RPS6KA2: variants seen among roughly 807,000 people sequenced by gnomAD.
The protein encoded by RPS6KA2 is ribosomal protein S6 kinase alpha-2.
In RPS6KA2, 42 loss-of-function variants were observed where a neutral mutation model predicts 91.8. The ratio of observed to expected loss-of-function variants is 0.46; its 90% CI spans 0.36 to 0.59. The LOEUF is 0.59. Ranked by LOEUF, RPS6KA2 falls within the 20% of genes least tolerant of loss-of-function variation. The probability of loss-of-function intolerance (pLI) is 0.00; values close to 1 mark genes in which losing one functional copy is unlikely to be tolerated. For missense variants in RPS6KA2, 798 were observed against 978.5 expected, an observed-to-expected ratio of 0.82 and a Z score of 2.46; for synonymous variants, 414 against 393.6, an observed-to-expected ratio of 1.05 and a Z score of -0.61.
chr6:166,417,341 G>A (rs988651607), intron 19 of RPS6KA2, among the ~76,000 whole-genome samples: 4 of 152,196 alleles, frequency 2.6e-5, no homozygotes, highest in South Asian at 2.1e-4. Context: ...TGCTGTGAAG[G>A]TGTTTTTCAG....
At chr6:166,776,445 TCACACAACAA>T (rs1191544375) in intron 2 of RPS6KA2, among the ~76,000 whole-genome samples, 3 of 152,310 alleles carry the variant, frequency 2.0e-5, no homozygotes, top group East Asian at 3.9e-4. Flanking sequence ...GAGGTGAATT[TCACACAACAA>T]AATTGATCGT....
At chr6:166,492,661 A>G (rs1194536840) in intron 8 of RPS6KA2, among the ~76,000 whole-genome samples, 2 of 149,562 alleles carry the variant, frequency 1.3e-5, no homozygotes, top group African/African-American at 2.5e-5. Context: ...GATATCATTT[A>G]TTTTTTGCTG....
intron 10 of RPS6KA2, chr6:166,475,582 A>G (rs1780942721): frequency 3.5e-6 from 1 of 288,478 alleles, no homozygotes; most frequent in Admixed American, 4.1e-5. Context: ...ACTCAAATAG[A>G]TCAGTGGCCC....
intron 2 of RPS6KA2, among the ~76,000 whole-genome samples, chr6:166,839,741 G>A (rs1303987542): frequency 6.1e-5 from 7 of 114,158 alleles, no homozygotes; most frequent in Non-Finnish European, 1.3e-4. Context: ...CTCTGGAGGC[G>A]CAGCACAGGG....
intron 1 of RPS6KA2, among the ~76,000 whole-genome samples, chr6:166,624,824 C>A (rs1786786779): frequency 6.6e-6 from 1 of 151,990 alleles, no homozygotes; most frequent in Non-Finnish European, 1.5e-5. Context: ...AAAAAGAGAG[C>A]ATTGTATTAG....
intron 2 of RPS6KA2, among the ~76,000 whole-genome samples, chr6:166,687,381 G>T (rs935719476): frequency 6.6e-6 from 1 of 152,170 alleles, no homozygotes; most frequent in African/African-American, 2.4e-5. Flanking sequence ...AGTGTCCATG[G>T]TGCTGTGTAT....
chr6:166,430,900 C>G (rs1448041271), intron 15 of RPS6KA2, among the ~76,000 whole-genome samples: 4 of 152,156 alleles, frequency 2.6e-5, no homozygotes, highest in Non-Finnish European at 4.4e-5. Context: ...CTTCATGACT[C>G]TGCCAGGAGA....
chr6:166,413,764 C>G, intron 20 of RPS6KA2, 30 bp downstream of exon 20: 1 of 1,610,148 alleles, frequency 6.2e-7, no homozygotes, highest in Admixed American at 1.7e-5. Flanking sequence ...CCATTCCCAC[C>G]ACTCTGTCCT....
chr6:166,496,159 T>G (rs1022103806), intron 8 of RPS6KA2, among the ~76,000 whole-genome samples: 14 of 152,102 alleles, frequency 9.2e-5, no homozygotes, highest in African/African-American at 3.4e-4. Context: ...AAGACCAACC[T>G]GGGCAACACG....
intron 11 of RPS6KA2, among the ~76,000 whole-genome samples, chr6:166,468,589 C>T (rs994069115): frequency 5.9e-5 from 9 of 151,968 alleles, no homozygotes; most frequent in African/African-American, 1.5e-4. Context: ...AGAGGCCGGG[C>T]GCGGTGGCTC....
chr6:166,625,306 C>T (rs903009624), intron 1 of RPS6KA2, among the ~76,000 whole-genome samples: 11 of 147,026 alleles, frequency 7.5e-5, no homozygotes, highest in African/African-American at 2.8e-4. Context: ...GAAGAAACCT[C>T]GTTTCCTATT....
intron 2 of RPS6KA2, among the ~76,000 whole-genome samples, chr6:166,532,940 T>C (rs1583249337): frequency 1.3e-5 from 2 of 152,226 alleles, no homozygotes; most frequent in East Asian, 3.9e-4. Flanking sequence ...ACGCACACTG[T>C]GGTGGGAGAC....
intron 2 of RPS6KA2, among the ~76,000 whole-genome samples, chr6:166,688,271 G>A (rs1405600228): frequency 1.3e-5 from 2 of 152,164 alleles, no homozygotes; most frequent in Non-Finnish European, 2.9e-5. Flanking sequence ...CGTGTGTGGT[G>A]GATCTTTGAG....
intron 2 of RPS6KA2, among the ~76,000 whole-genome samples, chr6:166,851,608 G>A (rs749562499): frequency 1.1e-4 from 16 of 152,164 alleles, no homozygotes; most frequent in Non-Finnish European, 1.5e-4. Context: ...CCAGGCTCCC[G>A]ATTTGGTGCT....
chr6:166,800,582 G>C (rs1236461763), intron 2 of RPS6KA2, among the ~76,000 whole-genome samples: 7 of 152,150 alleles, frequency 4.6e-5, no homozygotes, highest in African/African-American at 1.7e-4. Flanking sequence ...GCAGCAACAG[G>C]GTTCTGTCTT....
At chr6:166,810,084 G>A (rs1369185909) in intron 2 of RPS6KA2, among the ~76,000 whole-genome samples, 2 of 152,222 alleles carry the variant, frequency 1.3e-5, no homozygotes, top group Non-Finnish European at 2.9e-5. Context: ...TGAAGACAAG[G>A]TGGCAGGATG....
At position 166,635,090 on chromosome 6, in the gene RPS6KA2, TAGTACGTGAA is replaced by T. The variant is rs1375881465; in HGVS notation, c.124-96316_124-96307del. On this transcript the variant is annotated intron_variant, in intron 2 of 21. Transcript: ENST00000503859. This position sits in a 1 kb window ranked among gnomAD's most constrained non-coding sequence, Gnocchi z 4.8. ...ACTTGTGATAACGGAGAGCCAACGG[TAGTACGTGAA>T]AGTGACCGTGTGGGGCATACTTGGT... Among the ~76,000 whole-genome samples the T allele has an allele frequency of 6.7e-4, 102 of 152,338 alleles. 2 individuals are homozygous for T. Among genetic ancestry groups the T allele is most frequent in the African/African-American group, 2.4e-3 (99 of 41,590 alleles).
chr6:166,605,124 G>A (rs528847309), intron 1 of RPS6KA2, among the ~76,000 whole-genome samples: 1 of 152,148 alleles, frequency 6.6e-6, no homozygotes, highest in Non-Finnish European at 1.5e-5. Flanking sequence ...AGATTCTGGC[G>A]GGAGATGATG....
intron 2 of RPS6KA2, among the ~76,000 whole-genome samples, chr6:166,750,323 G>A (rs368217897): frequency 2.0e-5 from 3 of 152,110 alleles, no homozygotes; most frequent in East Asian, 3.9e-4. Flanking sequence ...AGAGGTCCCT[G>A]GGATTCCCTG....
Sources: gnomAD v4.1 joint callset for allele counts (sites outside exome capture counted in the v4.1 genomes callset) on GRCh38, gnomAD v4.1.1 for gene constraint, Gnocchi (gnomAD v3.1) non-coding constraint, MANE v1.5 for transcripts, NCBI Gene and HGNC (gene_info 2026-07-23, HGNC 2026-07-21) for gene names.